Variants in ATRNL1 observed in about 807,000 individuals in gnomAD.
ATRNL1 encodes the protein attractin like 1, also known as attractin-like protein 1.
ATRNL1 carries 95 observed loss-of-function variants against 182.7 expected under a neutral mutation model. The ratio of observed to expected loss-of-function variants is 0.52; its 90% CI spans 0.44 to 0.62. The LOEUF (loss-of-function observed/expected upper bound fraction) is 0.62. Among genes scored for constraint, ATRNL1 ranks in the 20% least tolerant of loss-of-function variants. ATRNL1 has a pLI of 0.00. For missense variants in ATRNL1, 1,471 were observed against 1,679.5 expected (o/e 0.88, Z 2.17); for synonymous variants, 576 against 568.3 (o/e 1.01, Z -0.19).
intron 26 of ATRNL1, among the ~76,000 whole-genome samples, chr10:115,642,868 G>A (rs574729469): frequency 2.2e-4 from 33 of 152,274 alleles, no homozygotes; most frequent in African/African-American, 7.7e-4. Context: ...ACTTGATTTC[G>A]AGGCTTATTC....
At chr10:115,729,665 T>A (rs151192601) in intron 27 of ATRNL1, among the ~76,000 whole-genome samples, 2 of 152,112 alleles carry the variant, frequency 1.3e-5, no homozygotes, top group Non-Finnish European at 2.9e-5. Context: ...CTTATCAAGA[T>A]TCATAGTGAT....
chr10:115,487,285 A>G (rs1830358321), intron 24 of ATRNL1, among the ~76,000 whole-genome samples: 1 of 152,090 alleles, frequency 6.6e-6, no homozygotes, highest in Non-Finnish European at 1.5e-5. Context: ...AAGAAAGTCA[A>G]TGGTAGATTG....
At chr10:115,276,222 C>G (rs1473948145) in intron 13 of ATRNL1, among the ~76,000 whole-genome samples, 1 of 151,982 alleles carries the variant, frequency 6.6e-6, no homozygotes, top group Non-Finnish European at 1.5e-5. Context: ...TATGAGGACT[C>G]CACCATTATG....
At chr10:115,269,306 T>C (rs781907899) in intron 13 of ATRNL1, among the ~76,000 whole-genome samples, 3 of 152,022 alleles carry the variant, frequency 2.0e-5, no homozygotes, top group Admixed American at 6.6e-5. Flanking sequence ...TTTTAAAAAG[T>C]AGTATTTAGT....
chr10:115,369,840 C>A (rs1032021800), intron 19 of ATRNL1, among the ~76,000 whole-genome samples: 1 of 152,126 alleles, frequency 6.6e-6, no homozygotes, highest in Non-Finnish European at 1.5e-5. Context: ...TGTGGAATAT[C>A]TTTTCCTATA....
At chr10:115,678,157 T>C (rs1945927392) in intron 26 of ATRNL1, among the ~76,000 whole-genome samples, 1 of 152,044 alleles carries the variant, frequency 6.6e-6, no homozygotes, top group African/African-American at 2.4e-5. Flanking sequence ...AAAATAATAA[T>C]TCAACAAAGA....
chr10:115,498,394 A>G lies in ATRNL1; in HGVS notation c.3655-20869A>G, dbSNP rs190979320. Reference sequence around the variant, plus strand: ...TCATTTTTTAAAAAATTGAAAAGCCATGATCTCTCAACTTGGGTTTTAAAA... The same window carrying G: ...TCATTTTTTAAAAAATTGAAAAGCCGTGATCTCTCAACTTGGGTTTTAAAA... On this transcript the variant is annotated intron_variant, in intron 24 of 28. Transcript: ENST00000355044. Among the ~76,000 whole-genome samples the G allele has an allele frequency of 3.3e-5, 5 of 152,232 alleles. No individual in the cohort carries two copies. The East Asian group carries it at 5.8e-4, about 18-fold the overall frequency.
At chr10:115,490,994 C>T (rs190107387) in intron 24 of ATRNL1, among the ~76,000 whole-genome samples, 240 of 152,316 alleles carry the variant, frequency 1.6e-3, no homozygotes, top group African/African-American at 5.6e-3. Flanking sequence ...GGCCCCTCTG[C>T]TGCAGGTCTC....
chr10:115,406,668 C>T (rs571768843), intron 20 of ATRNL1, among the ~76,000 whole-genome samples: 3 of 152,134 alleles, frequency 2.0e-5, no homozygotes, highest in African/African-American at 7.2e-5. Context: ...GTGGAATTTT[C>T]TCTTTTTATG....
chr10:115,094,808 C>T (rs2084971654), intron 1 of ATRNL1, among the ~76,000 whole-genome samples: 1 of 152,116 alleles, frequency 6.6e-6, no homozygotes, highest in Non-Finnish European at 1.5e-5. Flanking sequence ...GTACTTTTAA[C>T]GAATTTGCTG....
intron 21 of ATRNL1, 102 bp from the exon 22 acceptor site, chr10:115,461,839 A>T: frequency 1.9e-6 from 1 of 515,350 alleles, no homozygotes; most frequent in Non-Finnish European, 3.3e-6. Context: ...TTTAACAATA[A>T]TCATTTTTAA....
chr10:115,732,101 T>C (rs1947816356), intron 27 of ATRNL1, among the ~76,000 whole-genome samples: 1 of 152,204 alleles, frequency 6.6e-6, no homozygotes, highest in Non-Finnish European at 1.5e-5. Context: ...ACCTTTTGGA[T>C]ACTATGAATG....
At chr10:115,846,847 C>A (rs537013907) in intron 27 of ATRNL1, among the ~76,000 whole-genome samples, 1 of 152,086 alleles carries the variant, frequency 6.6e-6, no homozygotes, top group African/African-American at 2.4e-5. Flanking sequence ...AAATGCTAGC[C>A]CAACTACTGC....
chr10:115,158,976 A>T, intron 5 of ATRNL1, among the ~76,000 whole-genome samples: 1 of 151,936 alleles, frequency 6.6e-6, no homozygotes, highest in African/African-American at 2.4e-5. Context: ...AATTTAAAAG[A>T]TTTGTAAAAA....
intron 21 of ATRNL1, among the ~76,000 whole-genome samples, chr10:115,430,083 C>CA: frequency 1.3e-5 from 2 of 152,054 alleles, no homozygotes; most frequent in East Asian, 3.9e-4. Flanking sequence ...AAAACAACAA[C>CA]AAAAAAGTTT....
chr10:115,859,380 T>G (rs541031362), intron 28 of ATRNL1, among the ~76,000 whole-genome samples: 1 of 152,090 alleles, frequency 6.6e-6, no homozygotes, highest in African/African-American at 2.4e-5. Flanking sequence ...TACCCCTCCC[T>G]CATATTTATT....
chr10:115,118,537 T>G lies in ATRNL1; in HGVS notation c.294-1648T>G, dbSNP rs183481297. ...CAGATGACTCATAGCTAACCTACAG[T>G]TGAGGTAAAGGCTGGTTAACTTCTG... is the stretch of plus-strand genomic sequence containing the variant. On this transcript the variant is annotated intron_variant, in intron 1 of 28. Transcript: ENST00000355044. Among the ~76,000 whole-genome samples, 17 of 152,212 alleles carry G rather than the reference T, an allele frequency of 1.1e-4. No homozygotes were observed. The East Asian group carries it at 3.1e-3, about 28-fold the overall frequency.
chr10:115,389,534 G>GTATA (rs545003063), intron 19 of ATRNL1, among the ~76,000 whole-genome samples: 1 of 57,572 alleles, frequency 1.7e-5, no homozygotes, highest in African/African-American at 6.8e-5. Context: ...ATTCAAATGT[G>GTATA]TATGTGTATA....
chr10:115,201,141 G>C (rs1848561992), intron 8 of ATRNL1, among the ~76,000 whole-genome samples: 1 of 148,676 alleles, frequency 6.7e-6, no homozygotes, highest in African/African-American at 2.5e-5. Context: ...CCCTTTGTCA[G>C]ATGAGTAGGT....
Sources: allele counts gnomAD v4.1 joint callset (sites outside exome capture counted in the v4.1 genomes callset), GRCh38; gene constraint gnomAD v4.1.1; transcripts MANE v1.5; gene names NCBI Gene and HGNC (gene_info 2026-07-23, HGNC 2026-07-21).